Variants in PARL observed in about 807,000 individuals in gnomAD.
The protein encoded by PARL is presenilin associated rhomboid like.
PARL carries 44 observed loss-of-function variants against 51.6 expected under a neutral mutation model. The observed-to-expected ratio is 0.85, with a 90% CI of 0.67 to 1.10. The LOEUF is 1.10. Among genes scored for constraint, PARL ranks in the 50% least tolerant of loss-of-function variants. The probability of loss-of-function intolerance (pLI) is 0.00; values close to 1 mark genes in which losing one functional copy is unlikely to be tolerated. For synonymous variants in PARL, 172 were observed against 164.0 expected, an observed-to-expected ratio of 1.05 and a Z score of -0.37; for missense variants, 441 against 469.5, an observed-to-expected ratio of 0.94 and a Z score of 0.56.
Position 183,840,582 on chromosome 3 carries a change from T to C in PARL, c.816A>G (p.Pro272=). 2.0e-6 allele frequency: 3 copies of C among 1,506,246 alleles called. No homozygotes were observed. Among genetic ancestry groups the C allele is most frequent in the Non-Finnish European group, 2.7e-6 (3 of 1,092,872 alleles). The allele number at this position is 1,506,246 out of a possible 1,614,324, so 93.3% of individuals were successfully genotyped here. A position where few individuals can be genotyped will look rare whatever the true frequency, so the allele number is the denominator to read the frequency against. The change falls in exon 7 of 10, where the codon CCA becomes CCG. Residue 272 remains proline (P), a synonymous_variant. Coordinates refer to ENST00000317096, the MANE Select transcript of PARL (RefSeq NM_018622.7). The part of the protein sequence containing the change: ...VGKVATGRYG[P]SLGASGAIMT... ...TAGAAATACTTACTGCACCAAGTGATGGTCCATATCTTCCTGTGGCAACTT... is the reference window on the plus strand; with the variant it reads ...TAGAAATACTTACTGCACCAAGTGACGGTCCATATCTTCCTGTGGCAACTT...
chr3:183,831,795 T>C (rs764027500), intron 9 of PARL, among the ~76,000 whole-genome samples: 3 of 152,146 alleles, frequency 2.0e-5, no homozygotes, highest in Non-Finnish European at 1.5e-5. Context: ...ATTAAAGCTT[T>C]TAGAAAAGAT....
chr3:183,828,522 A>G (rs571565118), downstream of PARL, among the ~76,000 whole-genome samples: 1 of 152,378 alleles, frequency 6.6e-6, no homozygotes, highest in African/African-American at 2.4e-5. Context: ...GAATAACTGT[A>G]AATCATAGTA....
At chr3:183,834,176 G>A (rs1728286998) in intron 7 of PARL, among the ~76,000 whole-genome samples, 1 of 152,214 alleles carries the variant, frequency 6.6e-6, no homozygotes, top group South Asian at 2.1e-4. Context: ...GAGGGAGTGG[G>A]CATGAATACG....
At chr3:183,835,738 G>A (rs1047848929) in intron 7 of PARL, among the ~76,000 whole-genome samples, 2 of 151,916 alleles carry the variant, frequency 1.3e-5, no homozygotes, top group African/African-American at 4.8e-5. Flanking sequence ...GTGGTGGTGG[G>A]CGCCTGTAGT....
chr3:183,843,717 G>A (rs539802090), intron 5 of PARL, among the ~76,000 whole-genome samples: 47 of 152,194 alleles, frequency 3.1e-4, no homozygotes, highest in African/African-American at 1.1e-3. Context: ...TGTAGTCCCA[G>A]CTACTCAGGA....
intron 1 of PARL, among the ~76,000 whole-genome samples, chr3:183,873,385 A>T (rs1216381216): frequency 6.6e-6 from 1 of 152,130 alleles, no homozygotes; most frequent in East Asian, 1.9e-4. Flanking sequence ...GCACGCCTGT[A>T]TTTTGATTAC....
intron 4 of PARL, chr3:183,856,302 G>A (rs141578951): frequency 7.2e-5 from 11 of 152,262 alleles, no homozygotes; most frequent in African/African-American, 2.2e-4. Flanking sequence ...GTTTCTGGGT[G>A]GGCCAATTCA....
chr3:183,868,866 C>T (rs1732841798), intron 1 of PARL, among the ~76,000 whole-genome samples: 3 of 152,170 alleles, frequency 2.0e-5, no homozygotes, highest in Admixed American at 2.0e-4. Flanking sequence ...ACACTCCTCT[C>T]ACCTCTCCCC....
intron 1 of PARL, among the ~76,000 whole-genome samples, chr3:183,882,253 A>ATATATATATT (rs1553906121): frequency 3.2e-4 from 17 of 53,386 alleles, no homozygotes; most frequent in African/African-American, 9.9e-4. Context: ...ATTTATATAT[A>ATATATATATT]TATATATATA....
At chr3:183,861,950 TC>T (rs1731882325) in intron 4 of PARL, among the ~76,000 whole-genome samples, 1 of 152,130 alleles carries the variant, frequency 6.6e-6, no homozygotes, top group African/African-American at 2.4e-5. Context: ...ATTTTTTGTA[TC>T]TTTGGTAGAG....
chr3:183,852,426 T>C (rs1730652226), intron 4 of PARL, among the ~76,000 whole-genome samples: 1 of 152,196 alleles, frequency 6.6e-6, no homozygotes, highest in Non-Finnish European at 1.5e-5. Flanking sequence ...GTTCCACTTA[T>C]ATGAAGGATC....
chr3:183,844,365 T>G, intron 4 of PARL, 39 bp from the exon 5 acceptor site: 1 of 1,291,478 alleles, frequency 7.7e-7, no homozygotes. Flanking sequence ...AGGTTAAAAA[T>G]GAAAGCAGGA....
downstream of PARL, chr3:183,826,820 C>T (rs184537871): frequency 3.6e-5 from 35 of 975,988 alleles, no homozygotes; most frequent in East Asian, 2.7e-3. Context: ...TGGCAGATGG[C>T]GCTTGGGACT....
intron 3 of PARL, among the ~76,000 whole-genome samples, chr3:183,864,645 G>A (rs111757137): frequency 4.6e-5 from 7 of 151,994 alleles, no homozygotes; most frequent in Non-Finnish European, 7.4e-5. Context: ...GCGTGGTGGC[G>A]GGCACCTGTA....
At chr3:183,827,782 T>C (rs565825590), downstream of PARL, among the ~76,000 whole-genome samples, 1 of 152,156 alleles carries the variant, frequency 6.6e-6, no homozygotes, top group South Asian at 2.1e-4. Context: ...GAACCATGCG[T>C]GTGTTGCAGT....
At chr3:183,868,087 AAC>A (rs778257919) in intron 1 of PARL, 27 bp from the exon 2 acceptor site, 6 of 1,544,540 alleles carry the variant, frequency 3.9e-6, no homozygotes, top group Non-Finnish European at 4.5e-6. Flanking sequence ...ACAGATGAGA[AAC>A]ACAGTAGCGT....
chr3:183,862,961 C>A (rs1380920659), intron 3 of PARL, among the ~76,000 whole-genome samples, 160 bp from the exon 4 acceptor site: 1 of 152,218 alleles, frequency 6.6e-6, no homozygotes, highest in Admixed American at 6.5e-5. Flanking sequence ...GGAAAAGGCA[C>A]ATGTTTTATA....
At chr3:183,866,250 A>C (rs2108677037) in intron 3 of PARL, among the ~76,000 whole-genome samples, 1 of 152,324 alleles carries the variant, frequency 6.6e-6, no homozygotes, top group South Asian at 2.1e-4. Context: ...GTTAAGTACA[A>C]CACCAGATAT....
intron 3 of PARL, among the ~76,000 whole-genome samples, chr3:183,866,208 A>T (rs1054094029): frequency 1.3e-5 from 2 of 152,188 alleles, no homozygotes; most frequent in East Asian, 3.8e-4. Flanking sequence ...TTTTTGATGC[A>T]TGTGGGTAGA....
Sources: allele counts gnomAD v4.1 joint callset (sites outside exome capture counted in the v4.1 genomes callset), GRCh38; gene constraint gnomAD v4.1.1; transcripts MANE v1.5; gene names NCBI Gene and HGNC (gene_info 2026-07-23, HGNC 2026-07-21).